Variants in GIGYF2 observed in about 807,000 individuals in gnomAD.
GIGYF2 encodes the protein GRB10-interacting GYF protein 2.
A neutral mutation model predicts 208.1 loss-of-function variants in GIGYF2; 25 were observed. That is an observed-to-expected ratio of 0.12 (90% CI 0.09 to 0.17). The LOEUF (loss-of-function observed/expected upper bound fraction) is 0.17, where lower values mean the gene tolerates loss of function less well. Among genes scored for constraint, GIGYF2 ranks in the 10% least tolerant of loss-of-function variants. GIGYF2 has a pLI of 1.00. For synonymous variants in GIGYF2, 534 were observed against 543.8 expected, an observed-to-expected ratio of 0.98 and a Z score of 0.25; for missense variants, 1,302 against 1,579.4, an observed-to-expected ratio of 0.82 and a Z score of 2.98.
chr2:232,844,354 C>T lies in GIGYF2; in HGVS notation c.3100-15C>T. Reference sequence around the variant, plus strand: ...CATGATTCACGATAATCATTTTTCTCTTTTTCTTTAACAGCATTCCAACCT... The same window carrying T: ...CATGATTCACGATAATCATTTTTCTTTTTTTCTTTAACAGCATTCCAACCT... On this transcript the variant is annotated splice_polypyrimidine_tract_variant and intron_variant, in intron 24 of 28. Coordinates refer to ENST00000373563, the MANE Select transcript of GIGYF2 (RefSeq NM_001103146.3). The T allele has an allele frequency of 6.2e-7, 1 of 1,612,670 alleles. No homozygotes were observed. Among genetic ancestry groups the T allele is most frequent in the Non-Finnish European group, 8.5e-7 (1 of 1,178,640 alleles).
intron 3 of GIGYF2, chr2:232,736,535 G>A (rs916925678): frequency 6.6e-6 from 1 of 152,030 alleles, no homozygotes; most frequent in Non-Finnish European, 1.5e-5. Flanking sequence ...AATATTTTCT[G>A]TTGTATTAAA....
chr2:232,821,939 A>ATTTTTTTTTTTTTTTTTTTTTTTTTTTT (rs34551222), intron 21 of GIGYF2, among the ~76,000 whole-genome samples: 1 of 137,312 alleles, frequency 7.3e-6, no homozygotes, highest in Non-Finnish European at 1.6e-5. Context: ...TTGTATAAAT[A>ATTTTTTTTTTTTTTTTTTTTTTTTTTTT]TTTTTTTTTT....
intron 2 of GIGYF2, chr2:232,729,504 C>A: frequency 1.7e-6 from 2 of 1,204,130 alleles, no homozygotes; most frequent in Non-Finnish European, 2.2e-6. Flanking sequence ...TATTTAAATG[C>A]CATGACCCAG....
chr2:232,771,892 T>TA (rs1242200112), intron 8 of GIGYF2, among the ~76,000 whole-genome samples: 5 of 152,164 alleles, frequency 3.3e-5, no homozygotes, highest in African/African-American at 1.2e-4. Context: ...TGAAGCCAGA[T>TA]TTAGTATAGG....
chr2:232,756,217 T>TTTTCA lies in GIGYF2; in HGVS notation c.268-6_268-5insTTTCA. On this transcript the variant is annotated splice_region_variant and splice_polypyrimidine_tract_variant and intron_variant, in intron 5 of 28. Transcript: ENST00000373563. ...TTTCTCTTTTTTTTTTTTTTTTTTT[T>TTTTCA]GGCAGAGAAACTTTTCCATGTCTGT... The TTTTCA allele has an allele frequency of 7.8e-7, 1 of 1,284,160 alleles. No homozygotes were observed. The highest frequency in any genetic ancestry group is 1.1e-6 in the Non-Finnish European group (1 of 924,872). 79.5% of individuals were successfully genotyped at this position (1,284,160 alleles called of 1,614,324 possible).
At chr2:232,777,477 C>T (rs1699560898) in intron 8 of GIGYF2, among the ~76,000 whole-genome samples, 1 of 152,024 alleles carries the variant, frequency 6.6e-6, no homozygotes, top group Non-Finnish European at 1.5e-5. Flanking sequence ...CCAAATGTCA[C>T]ATGTAAGAGG....
At chr2:232,820,602 C>T (rs763602549) in intron 21 of GIGYF2, among the ~76,000 whole-genome samples, 2 of 151,700 alleles carry the variant, frequency 1.3e-5, no homozygotes, top group Admixed American at 6.6e-5. Flanking sequence ...GCATGAGCTG[C>T]TGTGCCCGGC....
At chr2:232,802,659 G>C (rs1465198730) in intron 14 of GIGYF2, among the ~76,000 whole-genome samples, 1 of 152,012 alleles carries the variant, frequency 6.6e-6, no homozygotes. Flanking sequence ...ATTTTGTTAA[G>C]AATTTTTGCA....
intron 8 of GIGYF2, among the ~76,000 whole-genome samples, chr2:232,783,637 C>T (rs1430928426): frequency 6.7e-6 from 1 of 148,666 alleles, no homozygotes; most frequent in East Asian, 2.2e-4. Flanking sequence ...ATTATTTACA[C>T]AAAATAATTT....
chr2:232,796,596 C>T (rs759128355), intron 14 of GIGYF2, among the ~76,000 whole-genome samples: 2 of 152,162 alleles, frequency 1.3e-5, no homozygotes, highest in East Asian at 1.9e-4. Context: ...GCGTGGCTCA[C>T]GCCTGTAATC....
intron 18 of GIGYF2, among the ~76,000 whole-genome samples, chr2:232,813,486 T>G (rs1574914011): frequency 6.6e-6 from 1 of 152,010 alleles, no homozygotes; most frequent in Non-Finnish European, 1.5e-5. Context: ...GGATTACAGG[T>G]GTGAGCCACT....
chr2:232,773,367 AGTC>A (rs1259156459), intron 8 of GIGYF2, among the ~76,000 whole-genome samples: 11 of 152,320 alleles, frequency 7.2e-5, no homozygotes, highest in African/African-American at 2.6e-4. Flanking sequence ...TTTCAGATGA[AGTC>A]ACTGGTGCTC....
intron 16 of GIGYF2, among the ~76,000 whole-genome samples, chr2:232,810,145 G>A (rs542052546): frequency 6.6e-6 from 1 of 152,230 alleles, no homozygotes; most frequent in African/African-American, 2.4e-5. Flanking sequence ...GTGCCACCAC[G>A]CCCAGCCTAT....
intron 23 of GIGYF2, among the ~76,000 whole-genome samples, chr2:232,842,675 C>G (rs1396444808): frequency 6.6e-6 from 1 of 152,114 alleles, no homozygotes. Flanking sequence ...TGTACAGCAC[C>G]TTGATGGGCT....
chr2:232,833,315 A>G (rs1181985383), intron 22 of GIGYF2, among the ~76,000 whole-genome samples: 2 of 152,062 alleles, frequency 1.3e-5, no homozygotes, highest in Admixed American at 6.5e-5. Flanking sequence ...TTCCTTGGGC[A>G]GCTCATATGA....
At chr2:232,707,403 T>G (rs901983732) in intron 2 of GIGYF2, among the ~76,000 whole-genome samples, 1 of 152,308 alleles carries the variant, frequency 6.6e-6, no homozygotes, top group Non-Finnish European at 1.5e-5. Flanking sequence ...AGGAATTGTC[T>G]TGGTACTTTC....
At chr2:232,743,129 T>A (rs1698031009) in intron 3 of GIGYF2, among the ~76,000 whole-genome samples, 1 of 152,158 alleles carries the variant, frequency 6.6e-6, no homozygotes, top group African/African-American at 2.4e-5. Flanking sequence ...TGCCACTTAT[T>A]TACTACCCAT....
At chr2:232,733,396 G>A (rs1468697707) in intron 2 of GIGYF2, among the ~76,000 whole-genome samples, 1 of 152,182 alleles carries the variant, frequency 6.6e-6, no homozygotes, top group Non-Finnish European at 1.5e-5. Context: ...AGTCTGCTTG[G>A]TTGACACAGG....
At position 232,806,423 on chromosome 2, in the gene GIGYF2, A is replaced by T; in HGVS notation, c.1640-68A>T. The T allele has an allele frequency of 9.2e-7, 1 of 1,087,292 alleles. No individual in the cohort carries two copies. Among genetic ancestry groups the T allele is most frequent in the African/African-American group, 1.5e-5 (1 of 64,986 alleles). The allele number at this position is 1,087,292 out of a possible 1,614,324, so 67.4% of individuals were successfully genotyped here. A position where few individuals can be genotyped will look rare whatever the true frequency, so the allele number is the denominator to read the frequency against. On this transcript the variant is annotated intron_variant, in intron 14 of 28. Transcript: ENST00000373563. The surrounding 1 kb of genome is among the most constrained non-coding windows in gnomAD (Gnocchi z 4.0). The stretch of plus-strand genomic sequence containing the variant: ...ACCTCGATGAGAATCAGATGCAGGA[A>T]ATATTTTTTTTCTCTTTGAGTCTGA...
Sources: allele counts gnomAD v4.1 joint callset (sites outside exome capture counted in the v4.1 genomes callset), GRCh38; gene constraint gnomAD v4.1.1; non-coding constraint Gnocchi (gnomAD v3.1); transcripts MANE v1.5; gene names NCBI Gene and HGNC (gene_info 2026-07-23, HGNC 2026-07-21).